The following SPATA13 variants were observed in gnomAD, a reference collection of about 807,000 sequenced individuals.
SPATA13 encodes the protein spermatogenesis associated 13, also known as spermatogenesis-associated protein 13.
SPATA13 carries 50 observed loss-of-function variants against 104.0 expected under a neutral mutation model. The observed-to-expected ratio is 0.48, with a 90% confidence interval of 0.38 to 0.61. The LOEUF is 0.61. Ranked by LOEUF, SPATA13 falls within the 20% of genes least tolerant of loss-of-function variation. The pLI is 0.00. For synonymous variants in SPATA13, 606 were observed against 667.5 expected (o/e 0.91, Z 1.42); for missense variants, 1,524 against 1,690.6 (o/e 0.90, Z 1.73).
intron 2 of SPATA13, among the ~76,000 whole-genome samples, chr13:24,234,265 T>C (rs1276271516): frequency 6.6e-6 from 1 of 152,220 alleles, no homozygotes; most frequent in Non-Finnish European, 1.5e-5. Context: ...TGTTTTCTTA[T>C]TTTATCTTAA....
At chr13:24,279,396 G>A (rs1050668346) in intron 4 of SPATA13, among the ~76,000 whole-genome samples, 1 of 152,182 alleles carries the variant, frequency 6.6e-6, no homozygotes, top group Non-Finnish European at 1.5e-5. Context: ...CTGAGCAGAG[G>A]AGTGACACAA....
chr13:24,224,764 T>C (rs1353825614), intron 2 of SPATA13, 182 bp downstream of exon 2: 9 of 685,830 alleles, frequency 1.3e-5, no homozygotes, highest in Non-Finnish European at 2.1e-5. Flanking sequence ...AGAAGTAATC[T>C]CTATCTCCTT....
rs533631946 is a variant in SPATA13, at chr13:24,190,533, A to G, written c.-112+29601A>G. ...AATACCACCCTTAACAGGAATTTGG[A>G]AGAAGTGGATTCCACCCCTCATGGA... On this transcript the variant is annotated intron_variant, in intron 1 of 12. Transcript: ENST00000382108. 2.0e-5 allele frequency among the ~76,000 whole-genome samples: 3 copies of G among 151,220 alleles called. No individual in the cohort carries two copies. In the East Asian group the frequency reaches 5.8e-4, roughly 29 times the overall value.
chr13:24,153,290 C>T (rs1441460837), intron 3 of SPATA13, among the ~76,000 whole-genome samples: 1 of 152,220 alleles, frequency 6.6e-6, no homozygotes, highest in Admixed American at 6.5e-5. Flanking sequence ...CCATTTTCCA[C>T]CTGCAGTCCT....
intron 3 of SPATA13, among the ~76,000 whole-genome samples, chr13:24,048,544 AT>A (rs1878226985): frequency 6.6e-6 from 1 of 152,168 alleles, no homozygotes; most frequent in African/African-American, 2.4e-5. Flanking sequence ...CAAATATGGA[AT>A]ATATAACTTT....
intron 1 of SPATA13, among the ~76,000 whole-genome samples, chr13:23,983,533 T>C (rs909628734): frequency 2.6e-5 from 4 of 152,230 alleles, no homozygotes; most frequent in African/African-American, 9.6e-5. Context: ...AGACAAAACC[T>C]GTTGACCTGT....
At chr13:24,016,949 G>T (rs1876742055) in intron 2 of SPATA13, among the ~76,000 whole-genome samples, 1 of 152,254 alleles carries the variant, frequency 6.6e-6, no homozygotes, top group Non-Finnish European at 1.5e-5. Flanking sequence ...ACAGTGGATG[G>T]TGGAGCCCAT....
At chr13:24,092,768 A>T (rs1001050013) in intron 3 of SPATA13, among the ~76,000 whole-genome samples, 44 of 152,238 alleles carry the variant, frequency 2.9e-4, no homozygotes, top group Non-Finnish European at 4.0e-4. Context: ...AGCTTATAAA[A>T]AAAGTAGATT....
At position 24,224,227 on chromosome 13, in the gene SPATA13, G is replaced by A; in HGVS notation, c.1298G>A (p.Ser433Asn). Residue 433 changes from serine (S) to asparagine (N), a missense_variant, in exon 2 of 13, where the codon AGC (serine) becomes AAC (asparagine). Ser to Asn is a conservative substitution (Grantham distance 46). Transcript: ENST00000382108. ...TCCTGCACTTGCAGCTCTTTGCCAA[G>A]CCCGATTGTCCAGGATGTGTTGAGC... is the stretch of plus-strand genomic sequence containing the variant. ...DSSCTCSSLP[S>N]PIVQDVLSKD... 2 of 1,551,736 alleles carry A rather than the reference G, an allele frequency of 1.3e-6. No homozygotes were observed. The highest frequency in any genetic ancestry group is 1.7e-6 in the Non-Finnish European group (2 of 1,147,012).
chr13:24,017,334 G>A (rs1178946432), intron 2 of SPATA13, among the ~76,000 whole-genome samples: 1 of 152,108 alleles, frequency 6.6e-6, no homozygotes, highest in East Asian at 1.9e-4. Context: ...CAGAACCTAC[G>A]TAAGCCCACG....
At position 24,286,190 on chromosome 13, in the gene SPATA13, G is replaced by T; in HGVS notation, c.2302-24G>T. The T allele has an allele frequency of 6.3e-7, 1 of 1,594,240 alleles. No homozygotes were observed. The highest frequency in any genetic ancestry group is 8.6e-7 in the Non-Finnish European group (1 of 1,168,758). Reference sequence around the variant, plus strand: ...CCCGCCCACTCGTGCTCTATGCTGAGCGCACCCCACTGTCTCCTTTCAGCT... The same window carrying T: ...CCCGCCCACTCGTGCTCTATGCTGATCGCACCCCACTGTCTCCTTTCAGCT... On this transcript the variant is annotated intron_variant, in intron 5 of 12. Coordinates refer to ENST00000382108, the MANE Select transcript of SPATA13 (RefSeq NM_001166271.3). This position sits in a 1 kb window ranked among gnomAD's most constrained non-coding sequence, Gnocchi z 4.9.
chr13:24,186,968 G>A (rs574455753), intron 1 of SPATA13, among the ~76,000 whole-genome samples: 43 of 152,328 alleles, frequency 2.8e-4, no homozygotes, highest in Non-Finnish European at 4.9e-4. Context: ...GGTCAGATGT[G>A]TAGGTGTTGA....
intron 2 of SPATA13, among the ~76,000 whole-genome samples, chr13:24,236,595 CAAA>C (rs60473362): frequency 0.37 from 43,498 of 118,000 alleles, 6,481 homozygotes; most frequent in African/African-American, 0.4. Context: ...GACTCCATCT[CAAA>C]AAAAAAAAAA....
At position 24,224,027 on chromosome 13, in the gene SPATA13, C is replaced by T; in HGVS notation, c.1098C>T (p.Ser366=). ...RLHDDYSRRV[S]RSTEQDSRRG... ...ATGACGACTACTCCCGCCGCGTCTC[C>T]AGGAGCACTGAGCAGGACAGCAGGC... Residue 366 remains serine, a synonymous_variant, in exon 2 of 13, where the codon TCC becomes TCT. Coordinates refer to ENST00000382108, the MANE Select transcript of SPATA13 (RefSeq NM_001166271.3). 6.5e-7 allele frequency: 1 copy of T among 1,549,266 alleles called. No individual in the cohort carries two copies. Among genetic ancestry groups the T allele is most frequent in the Non-Finnish European group, 8.7e-7 (1 of 1,145,710 alleles).
chr13:24,023,265 CT>C (rs539780661), intron 3 of SPATA13, among the ~76,000 whole-genome samples: 42 of 152,226 alleles, frequency 2.8e-4, no homozygotes, highest in African/African-American at 9.6e-4. Context: ...TGAACTCATC[CT>C]TTTTTATGGC....
intron 1 of SPATA13, among the ~76,000 whole-genome samples, chr13:24,218,334 G>A (rs1434051033): frequency 6.6e-6 from 1 of 152,176 alleles, no homozygotes; most frequent in Non-Finnish European, 1.5e-5. Flanking sequence ...TGTAGGGAAG[G>A]AAGAGGGTCT....
At chr13:24,191,727 G>C (rs910860878) in intron 1 of SPATA13, among the ~76,000 whole-genome samples, 1 of 151,792 alleles carries the variant, frequency 6.6e-6, no homozygotes, top group East Asian at 1.9e-4. Context: ...AGCCAGGATG[G>C]TCTTGATCTC....
At chr13:24,160,635 G>A, upstream of SPATA13, 1 of 831,554 alleles carries the variant, frequency 1.2e-6, no homozygotes, top group African/African-American at 1.8e-5. Context: ...GAGCTAACCG[G>A]GGGCGTGGCC....
intron 2 of SPATA13, among the ~76,000 whole-genome samples, chr13:24,004,057 TGGGCA>T (rs1876106667): frequency 6.6e-6 from 1 of 152,220 alleles, no homozygotes; most frequent in Non-Finnish European, 1.5e-5. Flanking sequence ...TAGTTCCTGG[TGGGCA>T]CTCCTGGGCT....
Sources: gnomAD v4.1 joint callset for allele counts (sites outside exome capture counted in the v4.1 genomes callset) on GRCh38, gnomAD v4.1.1 for gene constraint, Gnocchi (gnomAD v3.1) non-coding constraint, MANE v1.5 for transcripts, NCBI Gene and HGNC (gene_info 2026-07-23, HGNC 2026-07-21) for gene names.